The following DDR1 variants were observed in gnomAD, a reference collection of about 807,000 sequenced individuals.
The protein encoded by DDR1 is epithelial discoidin domain-containing receptor 1.
DDR1 carries 64 observed loss-of-function variants against 97.4 expected under a neutral mutation model. That is an observed-to-expected ratio of 0.66 (90% CI 0.54 to 0.81). DDR1 has a LOEUF of 0.81. Among genes scored for constraint, DDR1 ranks in the 30% least tolerant of loss-of-function variants. The probability of loss-of-function intolerance (pLI) is 0.00; values close to 1 mark genes in which losing one functional copy is unlikely to be tolerated. For synonymous variants in DDR1, 458 were observed against 503.7 expected, an observed-to-expected ratio of 0.91 and a Z score of 1.21; for missense variants, 990 against 1,259.6, an observed-to-expected ratio of 0.79 and a Z score of 3.24.
Position 30,891,917 on chromosome 6 carries a change from T to G in DDR1, c.666-85T>G. 1 of 1,478,014 alleles carries G rather than the reference T, an allele frequency of 6.8e-7. No homozygotes were observed. Among genetic ancestry groups the G allele is most frequent in the Admixed American group, 1.7e-5 (1 of 58,500 alleles). The allele number at this position is 1,478,014 out of a possible 1,614,324, so 91.6% of individuals were successfully genotyped here. On this transcript the variant is annotated intron_variant, in intron 6 of 17. Coordinates refer to ENST00000376568, the MANE Select transcript of DDR1 (RefSeq NM_001297654.2). The surrounding 1 kb of genome is among the most constrained non-coding windows in gnomAD (Gnocchi z 5.3). ...GGGAGCCAGGCTGGCCATGCCACTG[T>G]GCCGGAGGGTGGCGGAGCAGAATGC... is the stretch of plus-strand genomic sequence containing the variant.
At position 30,897,398 on chromosome 6, in the gene DDR1, G is replaced by A; in HGVS notation, c.2017G>A (p.Val673Met). ...CTCCAGGAATGATTTCCTGAAAGAG[G>A]TGAAGATCATGTCGAGGCTCAAGGA... ...KNARNDFLKEVKIMSRLKDPN... is the reference protein window; with the variant it reads ...KNARNDFLKEMKIMSRLKDPN... The change falls in exon 15 of 18, where the codon GTG becomes ATG. Residue 673 changes from valine to methionine, a missense_variant. Coordinates refer to ENST00000376568, the MANE Select transcript of DDR1 (RefSeq NM_001297654.2). This position sits in a 1 kb window ranked among gnomAD's most constrained non-coding sequence, Gnocchi z 5.2. The A allele has an allele frequency of 1.9e-6, 3 of 1,614,110 alleles. No homozygotes were observed. The highest frequency in any genetic ancestry group is 2.2e-5 in the South Asian group (2 of 91,076).
rs56123736 is a variant in DDR1, at chr6:30,893,336, C to T, written c.1260C>T (p.Ile420=). ...KAEGSPTAIL[I]GCLVAIILLL... Reference sequence around the variant, plus strand: ...AGGGGAGCCCGACCGCCATCCTCATCGGCTGCCTGGTGGCCATCATCCTGC... The same window carrying T: ...AGGGGAGCCCGACCGCCATCCTCATTGGCTGCCTGGTGGCCATCATCCTGC... Residue 420 remains isoleucine (I), a synonymous_variant, in exon 10 of 18, where the codon ATC becomes ATT. Transcript: ENST00000376568. 145 of 1,607,806 alleles carry T rather than the reference C, an allele frequency of 9.0e-5. No individual in the cohort carries two copies. The African/African-American group carries it at 9.1e-4, about 10-fold the overall frequency.
At position 30,884,537 on chromosome 6, in the gene DDR1, G is replaced by C. The variant is rs571705795; in HGVS notation, c.-216G>C. Reference sequence around the variant, plus strand: ...AGCCCTGGCTCCTCTCCCCGGAACAGGCCCCCGACAGCTGCTCTCGGGAGC... The same window carrying C: ...AGCCCTGGCTCCTCTCCCCGGAACACGCCCCCGACAGCTGCTCTCGGGAGC... On this transcript the variant is annotated 5_prime_UTR_variant, in exon 1 of 18. Transcript: ENST00000376568. The surrounding 1 kb of genome is among the most constrained non-coding windows in gnomAD (Gnocchi z 6.1). 1 of 152,042 alleles carries C rather than the reference G, an allele frequency of 6.6e-6. No homozygotes were observed. Among genetic ancestry groups the C allele is most frequent in the Admixed American group, 6.5e-5 (1 of 15,288 alleles). The allele number at this position is 152,042 out of a possible 1,614,324, so 9.4% of individuals were successfully genotyped here. A position where few individuals can be genotyped will look rare whatever the true frequency, so the allele number is the denominator to read the frequency against.
rs1355613189 is a variant in DDR1 at position 30,894,586 on chromosome 6, A to G, written c.1428A>G (p.Pro476=). The G allele has an allele frequency of 6.2e-7, 1 of 1,613,612 alleles. No individual in the cohort carries two copies. The highest frequency in any genetic ancestry group is 1.1e-5 in the South Asian group (1 of 91,010). The change falls in exon 11 of 18, where the codon CCA becomes CCG. Residue 476 remains proline, a synonymous_variant. Transcript: ENST00000376568. The surrounding 1 kb of genome is among the most constrained non-coding windows in gnomAD (Gnocchi z 5.7). Reference sequence around the variant, plus strand: ...ACACTATCCTCATCAACAACCGCCCAGGTCCTAGAGAGCCACCCCCGTACC... The same window carrying G: ...ACACTATCCTCATCAACAACCGCCCGGGTCCTAGAGAGCCACCCCCGTACC... The part of the protein sequence containing the change: ...PGDTILINNR[P]GPREPPPYQE...
rs779209128 is a variant in DDR1, at chr6:30,894,647, G to A, written c.1489G>A (p.Ala497Thr). The A allele has an allele frequency of 1.1e-5, 17 of 1,605,936 alleles. No individual in the cohort carries two copies. The highest frequency in any genetic ancestry group is 3.3e-4 in the Middle Eastern group (2 of 6,024). The change falls in exon 11 of 18, where the codon GCT becomes ACT. Residue 497 changes from alanine (A) to threonine (T), a missense_variant. Ala to Thr is a moderately conservative substitution (Grantham distance 58). Coordinates refer to ENST00000376568, the MANE Select transcript of DDR1 (RefSeq NM_001297654.2). The surrounding 1 kb of genome is among the most constrained non-coding windows in gnomAD (Gnocchi z 5.7). Reference protein sequence around the residue: ...PRPRGNPPHSAPCVPNGSALL... With the variant: ...PRPRGNPPHSTPCVPNGSALL... ...GCCTCGTGGGAATCCGCCCCACTCC[G>A]CTCCCTGTGTCCCCAATGGCTCTGG...
upstream of DDR1, chr6:30,882,485 G>C (rs1437165255): frequency 6.6e-6 from 1 of 152,330 alleles, no homozygotes; most frequent in African/African-American, 2.4e-5. This position sits in a 1 kb window ranked among gnomAD's most constrained non-coding sequence, Gnocchi z 4.8. Flanking sequence ...GCCCCAGGAT[G>C]GCTGGGATTT....
rs911441725 is a variant in DDR1, at chr6:30,888,222, T to C, written c.-42-466T>C. The stretch of plus-strand genomic sequence containing the variant: ...TCACATTCTTTGGCTGTTTCTTTAT[T>C]GGGTTACTTATATATTTTTTCTTGT... On this transcript the variant is annotated intron_variant, in intron 1 of 17. Coordinates refer to ENST00000376568, the MANE Select transcript of DDR1 (RefSeq NM_001297654.2). The surrounding 1 kb of genome is among the most constrained non-coding windows in gnomAD (Gnocchi z 4.2). 6.6e-6 allele frequency among the ~76,000 whole-genome samples: 1 copy of C among 152,252 alleles called. No individual in the cohort carries two copies. The highest frequency in any genetic ancestry group is 2.4e-5 in the African/African-American group (1 of 41,456).
chr6:30,885,335 C>A, intron 1 of DDR1: 1 of 1,421,090 alleles, frequency 7.0e-7, no homozygotes, highest in Non-Finnish European at 9.5e-7. Flanking sequence ...AGCTCGCTGG[C>A]TGTTGCTGAG....
intron 1 of DDR1, chr6:30,885,597 TGTG>T (rs1785498444): frequency 1.4e-6 from 2 of 1,387,676 alleles, no homozygotes; most frequent in East Asian, 6.3e-5. Flanking sequence ...CACAGGAGCA[TGTG>T]GTGTCTGTCA....
Position 30,891,216 on chromosome 6 carries a change from G to T in DDR1, c.565+96G>T. 1 of 1,552,330 alleles carries T rather than the reference G, an allele frequency of 6.4e-7. No individual in the cohort carries two copies. ...GGCATCCAGGATCCCTTCTCCTGCT[G>T]GGAAGCTGTCACTCTGAGGAGGGGG... On this transcript the variant is annotated intron_variant, in intron 5 of 17. Coordinates refer to ENST00000376568, the MANE Select transcript of DDR1 (RefSeq NM_001297654.2). The surrounding 1 kb of genome is among the most constrained non-coding windows in gnomAD (Gnocchi z 5.3).
rs1317476284 is a variant in DDR1 at position 30,897,985 on chromosome 6, C to T, written c.2217-88C>T. On this transcript the variant is annotated intron_variant, in intron 15 of 17. Transcript: ENST00000376568. The surrounding 1 kb of genome is among the most constrained non-coding windows in gnomAD (Gnocchi z 5.2). ...ACCTCCACATGGGGAGCCAGAGTGA[C>T]CGGGCCCGGGGAGTGGGCTCTCTCT... 1.6e-5 allele frequency: 16 copies of T among 1,026,478 alleles called. No homozygotes were observed. Among genetic ancestry groups the T allele is most frequent in the Non-Finnish European group, 2.2e-5 (15 of 682,174 alleles). 63.6% of individuals were successfully genotyped at this position (1,026,478 alleles called of 1,614,324 possible).
chr6:30,896,529 CAG>C, intron 12 of DDR1, 90 bp from the exon 13 acceptor site: 6 of 1,487,752 alleles, frequency 4.0e-6, no homozygotes, highest in Non-Finnish European at 5.4e-6. Flanking sequence ...CCGGGAGACA[CAG>C]GGCCCTCCGG....
In DDR1 at chr6:30,888,533, G is replaced by A. The variant is rs1024095955; in HGVS notation, c.-42-155G>A. The A allele has an allele frequency of 9.6e-6, 8 of 837,346 alleles. No individual in the cohort carries two copies. In the African/African-American group the frequency reaches 1.4e-4, roughly 14 times the overall value. The allele number at this position is 837,346 out of a possible 1,614,324, so 51.9% of individuals were successfully genotyped here. ...GGTTTAGGCCAGTGTCTGGCACAGG[G>A]GAAGCATTCTAAAAATATAGCTGAT... On this transcript the variant is annotated intron_variant, in intron 1 of 17. Transcript: ENST00000376568. The surrounding 1 kb of genome is among the most constrained non-coding windows in gnomAD (Gnocchi z 4.2).
Position 30,889,468 on chromosome 6 carries a change from T to C in DDR1, c.417+38T>C. 1.4e-6 allele frequency: 2 copies of C among 1,406,472 alleles called. No homozygotes were observed. The highest frequency in any genetic ancestry group is 1.9e-6 in the Non-Finnish European group (2 of 1,061,210). 87.1% of individuals were successfully genotyped at this position (1,406,472 alleles called of 1,614,324 possible). ...GGGGCAGCACCCAGAGGAGGTTGGCTCTCCTCACTTCCAGCTGTACTTTAA... is the reference window on the plus strand; with the variant it reads ...GGGGCAGCACCCAGAGGAGGTTGGCCCTCCTCACTTCCAGCTGTACTTTAA... On this transcript the variant is annotated intron_variant, in intron 4 of 17. Coordinates refer to ENST00000376568, the MANE Select transcript of DDR1 (RefSeq NM_001297654.2). This position sits in a 1 kb window ranked among gnomAD's most constrained non-coding sequence, Gnocchi z 4.9.
Position 30,895,880 on chromosome 6 carries a change from C to T in DDR1, c.1624+366C>T, listed in dbSNP as rs371879992. 1.7e-3 allele frequency among the ~76,000 whole-genome samples: 257 copies of T among 152,258 alleles called. 4 individuals carry two copies. The South Asian group carries it at 0.031, about 18-fold the overall frequency. On this transcript the variant is annotated intron_variant, in intron 12 of 17. Transcript: ENST00000376568. Reference sequence around the variant, plus strand: ...GCTGCGAGGAGGAGGGCTCTCACCCCGGGCGCTTGCCCTTTCCCTCACATG... The same window carrying T: ...GCTGCGAGGAGGAGGGCTCTCACCCTGGGCGCTTGCCCTTTCCCTCACATG...
At chr6:30,898,859 C>G (rs2150472541) in intron 16 of DDR1, 29 bp from the exon 17 acceptor site, 1 of 1,592,324 alleles carries the variant, frequency 6.3e-7, no homozygotes, top group Non-Finnish European at 8.6e-7. Context: ...ATGTCCCTGT[C>G]TGTTTTTGCT....
At chr6:30,881,066 A>AC (rs1264196586), upstream of DDR1, 1 of 151,494 alleles carries the variant, frequency 6.6e-6, no homozygotes, top group African/African-American at 2.4e-5. Flanking sequence ...GCAGCCCCAG[A>AC]CCCGACCCCA....
intron 1 of DDR1, chr6:30,885,407 GA>G (rs2150231550): frequency 1.2e-6 from 1 of 840,806 alleles, no homozygotes; most frequent in Non-Finnish European, 1.8e-6. Flanking sequence ...GGAGTGAGTG[GA>G]AAGGCAGGGA....
rs150642742 is a variant in DDR1, at chr6:30,898,898, C to T, written c.2462C>T (p.Thr821Met). The change falls in exon 17 of 18, where the codon ACG becomes ATG. Residue 821 changes from threonine to methionine, a missense_variant. Coordinates refer to ENST00000376568, the MANE Select transcript of DDR1 (RefSeq NM_001297654.2). ...AWECILMGKF[T>M]TASDVWAFGV... ...TTCTCTGCATCCCAGGGGAAGTTCA[C>T]GACTGCGAGTGACGTGTGGGCCTTT... 852 of 1,606,428 alleles carry T rather than the reference C, an allele frequency of 5.3e-4. 2 individuals carry two copies. The highest frequency in any genetic ancestry group is 6.9e-4 in the Non-Finnish European group (806 of 1,173,898).
Sources: gnomAD v4.1 joint callset for allele counts (sites outside exome capture counted in the v4.1 genomes callset) on GRCh38, gnomAD v4.1.1 for gene constraint, Gnocchi (gnomAD v3.1) non-coding constraint, MANE v1.5 for transcripts, NCBI Gene and HGNC (gene_info 2026-07-23, HGNC 2026-07-21) for gene names.